COG8: variants seen among roughly 807,000 people sequenced by gnomAD.
The protein encoded by COG8 is conserved oligomeric Golgi complex subunit 8.
A neutral mutation model predicts 46.5 loss-of-function variants in COG8; 45 were observed. The observed-to-expected ratio is 0.97, with a 90% CI of 0.76 to 1.24. COG8 has a LOEUF of 1.24. Among genes scored for constraint, COG8 ranks in the 50% most tolerant of loss-of-function variants. The pLI, the probability that COG8 is intolerant of heterozygous loss-of-function variation, is 0.00. For synonymous variants in COG8, 407 were observed against 347.8 expected (o/e 1.17, Z -1.90); for missense variants, 793 against 820.8 (o/e 0.97, Z 0.41).
rs1446349270 is a variant in COG8 at position 69,330,909 on chromosome 16, G to A, written c.1769C>T (p.Pro590Leu). ...EPPAEEPRLE[P>L]AGPACPEGGR... is the part of the protein sequence containing the mutation. The stretch of plus-strand genomic sequence containing the variant: ...TCCCTCCGGGCAGGCTGGGCCCGCG[G>A]GCTCCAGGCGTGGCTCCTCGGCGGG... The change falls in exon 5 of 6, where the codon CCC (proline) becomes CTC (leucine). Residue 590 changes from proline (P) to leucine (L), a missense_variant. Physicochemically the swap from Pro to Leu is moderately conservative, Grantham distance 98. Transcript: ENST00000306875. 1.3e-6 allele frequency: 2 copies of A among 1,554,354 alleles called. No homozygotes were observed. The highest frequency in any genetic ancestry group is 1.4e-5 in the African/African-American group (1 of 73,410).
In COG8 at chr16:69,329,114, G is replaced by A; in HGVS notation, c.*92C>T. The A allele has an allele frequency of 6.2e-7, 1 of 1,610,866 alleles. No individual in the cohort carries two copies. The highest frequency in any genetic ancestry group is 8.5e-7 in the Non-Finnish European group (1 of 1,179,408). ...CAGCCCTGCAGGTGGTCCATCTCGT[G>A]CTGGATGATGCGGGCTGCCCACCCG... On this transcript the variant is annotated 3_prime_UTR_variant, in exon 6 of 6. Transcript: ENST00000306875.
chr16:69,331,124 G>C (rs750627777), intron 4 of COG8, 29 bp from the exon 5 acceptor site: 54 of 1,612,328 alleles, frequency 3.3e-5, no homozygotes, highest in Middle Eastern at 1.6e-4. Flanking sequence ...AAGCAAAATG[G>C]AAAACAGTTA....
intron 3 of COG8, 51 bp downstream of exon 3, chr16:69,334,470 C>T: frequency 6.6e-7 from 1 of 1,512,622 alleles, no homozygotes; most frequent in South Asian, 1.1e-5. Flanking sequence ...ATCTGGCCAC[C>T]CATTACCAGA....
intron 1 of COG8, chr16:69,338,531 T>A (rs1338183803): frequency 6.5e-6 from 1 of 152,816 alleles, no homozygotes; most frequent in African/African-American, 2.4e-5. Flanking sequence ...ATGTTAACTG[T>A]GTCAGACCCG....
At chr16:69,336,212 C>T (rs368671939) in intron 2 of COG8, among the ~76,000 whole-genome samples, 11 of 152,116 alleles carry the variant, frequency 7.2e-5, no homozygotes, top group African/African-American at 2.7e-4. Context: ...TCTTCAGACA[C>T]CACTATCTGA....
chr16:69,332,075 C>T (rs1421811202), intron 4 of COG8, among the ~76,000 whole-genome samples: 1 of 151,820 alleles, frequency 6.6e-6, no homozygotes, highest in African/African-American at 2.4e-5. Context: ...GACTTTAGGA[C>T]GGGCGTGGTG....
intron 4 of COG8, among the ~76,000 whole-genome samples, chr16:69,331,392 G>A (rs918117529): frequency 7.1e-6 from 1 of 141,754 alleles, no homozygotes; most frequent in South Asian, 2.3e-4. Flanking sequence ...GGTGGAGATT[G>A]CAGTTAGCCG....
At chr16:69,336,817 A>G (rs1021958175) in intron 1 of COG8, 105 bp from the exon 2 acceptor site, 3 of 1,011,820 alleles carry the variant, frequency 3.0e-6, no homozygotes, top group African/African-American at 3.2e-5. Context: ...GATCTATCTG[A>G]TTTATTCCTC....
Position 69,327,923 on chromosome 16 carries a change from T to C in COG8, c.*1283A>G, listed in dbSNP as rs1242851909. On this transcript the variant is annotated 3_prime_UTR_variant, in exon 6 of 6. Coordinates refer to ENST00000306875, the MANE Select transcript of COG8 (RefSeq NM_032382.5). The stretch of plus-strand genomic sequence containing the variant: ...AGACAAAGCTGACACTTTTTTTTTT[T>C]GAGACAGAGAAAAAAAGAAAACTCT... The C allele has an allele frequency of 3.9e-5, 6 of 152,118 alleles. No homozygotes were observed. Among genetic ancestry groups the C allele is most frequent in the African/African-American group, 1.4e-4 (6 of 41,500 alleles). The allele number at this position is 152,118 out of a possible 1,614,324, so 9.4% of individuals were successfully genotyped here. A position where few individuals can be genotyped will look rare whatever the true frequency, so the allele number is the denominator to read the frequency against.
chr16:69,330,551 G>A (rs948841620), intron 5 of COG8: 4 of 1,469,170 alleles, frequency 2.7e-6, no homozygotes, highest in African/African-American at 3.0e-5. Context: ...AAGACTCAGC[G>A]CGCCCCACAG....
intron 1 of COG8, 124 bp from the exon 2 acceptor site, chr16:69,336,836 C>A: frequency 1.2e-6 from 1 of 858,370 alleles, no homozygotes; most frequent in Non-Finnish European, 1.9e-6. Flanking sequence ...TCACACCCCA[C>A]CTATAAGGTA....
rs538510841 is a variant in COG8, at chr16:69,329,080, A to G, written c.*126T>C. 10 of 1,612,198 alleles carry G rather than the reference A, an allele frequency of 6.2e-6. No homozygotes were observed. The South Asian group carries it at 6.6e-5, about 11-fold the overall frequency. On this transcript the variant is annotated 3_prime_UTR_variant, in exon 6 of 6. Transcript: ENST00000306875. Reference sequence around the variant, plus strand: ...GAACGTCCTGCTGTCCATTTTGTCAATAAACAGGCAGCCCTGCAGGTGGTC... The same window carrying G: ...GAACGTCCTGCTGTCCATTTTGTCAGTAAACAGGCAGCCCTGCAGGTGGTC...
At chr16:69,337,801 T>C (rs2012288053) in intron 1 of COG8, among the ~76,000 whole-genome samples, 1 of 150,722 alleles carries the variant, frequency 6.6e-6, no homozygotes, top group Admixed American at 6.6e-5. Context: ...GCACGCATCA[T>C]CTTGGCTCAC....
intron 5 of COG8, among the ~76,000 whole-genome samples, chr16:69,329,415 G>C (rs1000422460): frequency 1.3e-5 from 2 of 152,228 alleles, no homozygotes; most frequent in African/African-American, 4.8e-5. Flanking sequence ...CTGTAGAGCT[G>C]AGATGAGAAA....
At position 69,339,506 on chromosome 16, in the gene COG8, G is replaced by A. The variant is rs780855663; in HGVS notation, c.47C>T (p.Ala16Val). The change falls in exon 1 of 6, where the codon GCG becomes GTG. Residue 16 changes from alanine (A) to valine (V), a missense_variant. By Grantham distance (64) the Ala-to-Val change is moderately conservative (BLOSUM62 0). Coordinates refer to ENST00000306875, the MANE Select transcript of COG8 (RefSeq NM_032382.5). ...TTCATCCTCCACCTCGCCGAGAGCC[G>A]CTGCTGTGGCCGTGGCTACCGATGG... is the stretch of plus-strand genomic sequence containing the variant. ...TIPSVATATA[A>V]ALGEVEDEGL... The A allele has an allele frequency of 1.9e-6, 3 of 1,607,320 alleles. No homozygotes were observed. Among genetic ancestry groups the A allele is most frequent in the Non-Finnish European group, 2.5e-6 (3 of 1,179,890 alleles).
chr16:69,334,894 C>G lies in COG8; in HGVS notation c.1040G>C (p.Gly347Ala). 1 of 1,614,130 alleles carries G rather than the reference C, an allele frequency of 6.2e-7. No individual in the cohort carries two copies. Among genetic ancestry groups the G allele is most frequent in the East Asian group, 2.2e-5 (1 of 44,880 alleles). ...GIGGHLDSLL[G>A]QCMYFGLSFS... is the part of the protein sequence containing the mutation. Reference sequence around the variant, plus strand: ...GGACAGCCCAAAGTACATGCACTGGCCCAGCAGAGAGTCCAGGTGGCCGCC... The same window carrying G: ...GGACAGCCCAAAGTACATGCACTGGGCCAGCAGAGAGTCCAGGTGGCCGCC... The change falls in exon 3 of 6, where the codon GGC becomes GCC. Residue 347 changes from glycine (G) to alanine (A), a missense_variant. Coordinates refer to ENST00000306875, the MANE Select transcript of COG8 (RefSeq NM_032382.5).
Position 69,329,009 on chromosome 16 carries a change from C to T in COG8, c.*197G>A. On this transcript the variant is annotated 3_prime_UTR_variant, in exon 6 of 6. Transcript: ENST00000306875. Reference sequence around the variant, plus strand: ...TCTTGGTATCCGGAATCCTCAGCCCCAGTAGCAAAGCTTTAGTCATTCACC... The same window carrying T: ...TCTTGGTATCCGGAATCCTCAGCCCTAGTAGCAAAGCTTTAGTCATTCACC... The T allele has an allele frequency of 6.2e-7, 1 of 1,601,034 alleles. No homozygotes were observed. The highest frequency in any genetic ancestry group is 8.5e-7 in the Non-Finnish European group (1 of 1,176,246).
Position 69,328,995 on chromosome 16 carries a change from G to C in COG8, c.*211C>G, listed in dbSNP as rs1034402347. On this transcript the variant is annotated 3_prime_UTR_variant, in exon 6 of 6. Coordinates refer to ENST00000306875, the MANE Select transcript of COG8 (RefSeq NM_032382.5). ...TGAAAGTGTTTGCGTCTTGGTATCC[G>C]GAATCCTCAGCCCCAGTAGCAAAGC... The C allele has an allele frequency of 1.9e-6, 3 of 1,590,990 alleles. No individual in the cohort carries two copies. Among genetic ancestry groups the C allele is most frequent in the African/African-American group, 2.7e-5 (2 of 73,986 alleles).
At chr16:69,334,469 C>T (rs192242594) in intron 3 of COG8, 52 bp downstream of exon 3, 1 of 1,506,598 alleles carries the variant, frequency 6.6e-7, no homozygotes, top group Non-Finnish European at 9.2e-7. Context: ...AATCTGGCCA[C>T]CCATTACCAG....
Sources: gnomAD v4.1 joint callset for allele counts (sites outside exome capture counted in the v4.1 genomes callset) on GRCh38, gnomAD v4.1.1 for gene constraint, MANE v1.5 for transcripts, NCBI Gene and HGNC (gene_info 2026-07-23, HGNC 2026-07-21) for gene names.